Variants in TJP1 observed in about 807,000 individuals in gnomAD.
The protein encoded by TJP1 is tight junction protein 1.
TJP1 carries 43 observed loss-of-function variants against 194.2 expected under a neutral mutation model. The observed-to-expected ratio is 0.22, with a 90% confidence interval of 0.17 to 0.29. The LOEUF is 0.29. Ranked by LOEUF, TJP1 falls within the 10% of genes least tolerant of loss-of-function variation. The pLI, the probability that TJP1 is intolerant of heterozygous loss-of-function variation, is 1.00. For synonymous variants in TJP1, 801 were observed against 779.0 expected, an observed-to-expected ratio of 1.03 and a Z score of -0.47; for missense variants, 1,971 against 2,185.7, an observed-to-expected ratio of 0.90 and a Z score of 1.96.
At chr15:29,781,213 G>C (rs565479434) in intron 2 of TJP1, among the ~76,000 whole-genome samples, 21 of 152,076 alleles carry the variant, frequency 1.4e-4, no homozygotes, top group Non-Finnish European at 2.8e-4. Flanking sequence ...ACACAAACTA[G>C]AAAATCTAGA....
At chr15:29,944,452 T>TG (rs1212617324) in intron 2 of TJP1, among the ~76,000 whole-genome samples, 3 of 152,040 alleles carry the variant, frequency 2.0e-5, no homozygotes, top group African/African-American at 4.8e-5. Context: ...CTTTTGTTGG[T>TG]GGGGGGACGG....
rs1433416856 is a variant in TJP1, at chr15:29,716,754, T to G, written c.4059A>C (p.Glu1353Asp). The G allele has an allele frequency of 3.7e-6, 6 of 1,614,192 alleles. No homozygotes were observed. The highest frequency in any genetic ancestry group is 5.1e-6 in the Non-Finnish European group (6 of 1,180,026). The change falls in exon 23 of 28, where the codon GAA becomes GAC. Residue 1353 changes from glutamate to aspartate, a missense_variant. Physicochemically the swap from Glu to Asp is conservative, Grantham distance 45. Coordinates refer to ENST00000614355, the MANE Select transcript of TJP1 (RefSeq NM_001330239.4). ...SNHYDPEEDE[E>D]YYRKQLSYFD... is the part of the protein sequence containing the mutation. The stretch of plus-strand genomic sequence containing the variant: ...AGTATGACAGCTGTTTTCGATAATA[T>G]TCTTCATCTTCTTCAGGGTCATAAT...
At chr15:29,899,187 G>T (rs186293839) in intron 2 of TJP1, among the ~76,000 whole-genome samples, 2 of 152,252 alleles carry the variant, frequency 1.3e-5, no homozygotes, top group Admixed American at 6.5e-5. Context: ...AAGGAAAGAA[G>T]CCCCCACAAA....
chr15:29,826,203 G>A (rs554694867), upstream of TJP1, among the ~76,000 whole-genome samples: 2 of 150,646 alleles, frequency 1.3e-5, no homozygotes, highest in East Asian at 1.9e-4. Context: ...ATTCAATTCA[G>A]TATACAGAAA....
chr15:29,719,728 C>T, intron 20 of TJP1, 49 bp downstream of exon 20: 5 of 1,579,724 alleles, frequency 3.2e-6, no homozygotes, highest in Non-Finnish European at 4.3e-6. Context: ...TGATCATGTG[C>T]CAGATTGATG....
At chr15:29,962,926 G>A (rs776130237) in intron 1 of TJP1, among the ~76,000 whole-genome samples, 1 of 152,168 alleles carries the variant, frequency 6.6e-6, no homozygotes, top group African/African-American at 2.4e-5. Context: ...ATCACCTGAA[G>A]GTCAGGAGTT....
chr15:29,721,122 C>T (rs1302736022), intron 18 of TJP1, among the ~76,000 whole-genome samples: 1 of 152,170 alleles, frequency 6.6e-6, no homozygotes, highest in African/African-American at 2.4e-5. Flanking sequence ...TGGAAGAATA[C>T]CTATGAAATA....
chr15:29,746,956 A>G (rs562098198), intron 8 of TJP1, among the ~76,000 whole-genome samples: 1 of 151,418 alleles, frequency 6.6e-6, no homozygotes, highest in East Asian at 1.9e-4. Context: ...AACAAGGATG[A>G]GCTACTTTTA....
intron 4 of TJP1, among the ~76,000 whole-genome samples, chr15:29,771,381 G>A (rs566057946): frequency 3.0e-4 from 45 of 151,652 alleles, no homozygotes; most frequent in African/African-American, 9.4e-4. Flanking sequence ...ATCTAAACAC[G>A]GTAAAGGTAA....
chr15:29,882,094 T>C (rs1458069731), intron 2 of TJP1, among the ~76,000 whole-genome samples: 1 of 152,188 alleles, frequency 6.6e-6, no homozygotes, highest in African/African-American at 2.4e-5. Context: ...TGTGTTGCTG[T>C]GCTGGATACT....
intron 2 of TJP1, among the ~76,000 whole-genome samples, chr15:29,901,413 A>G (rs904217529): frequency 2.2e-4 from 34 of 152,220 alleles, no homozygotes; most frequent in Non-Finnish European, 5.9e-5. Flanking sequence ...GCAAAAGTAT[A>G]GCTGCCTGAG....
intron 27 of TJP1, among the ~76,000 whole-genome samples, chr15:29,703,924 T>G (rs775466920): frequency 6.6e-6 from 1 of 152,216 alleles, no homozygotes; most frequent in Non-Finnish European, 1.5e-5. Flanking sequence ...ATTACAGGCA[T>G]GAGCCACGGC....
At chr15:29,952,703 T>C (rs953969122) in intron 2 of TJP1, among the ~76,000 whole-genome samples, 3 of 152,224 alleles carry the variant, frequency 2.0e-5, no homozygotes, top group Non-Finnish European at 4.4e-5. Context: ...TTGATATGTA[T>C]ATATGCCAGG....
intron 2 of TJP1, among the ~76,000 whole-genome samples, chr15:29,779,004 T>C (rs1322907725): frequency 1.3e-5 from 2 of 152,218 alleles, no homozygotes; most frequent in Non-Finnish European, 2.9e-5. Context: ...AACCTGTCTT[T>C]TTCATCGCTT....
chr15:29,801,563 G>A (rs1208578151), intron 1 of TJP1, among the ~76,000 whole-genome samples: 2 of 149,366 alleles, frequency 1.3e-5, no homozygotes, highest in African/African-American at 2.5e-5. Context: ...CCGGGTTCAC[G>A]CCATTCTCCT....
At chr15:29,867,458 C>T (rs1567148314) in intron 2 of TJP1, among the ~76,000 whole-genome samples, 1 of 152,200 alleles carries the variant, frequency 6.6e-6, no homozygotes, top group Non-Finnish European at 1.5e-5. Flanking sequence ...CTGGCTCCAA[C>T]GTGGCCCATG....
In TJP1 at chr15:29,853,119, T is replaced by C. The variant is rs544659112; in HGVS notation, c.307-52417A>G. ...CAACTTGGATGTATCTCTAGGAAAT[T>C]ATGTTGAGTAAAATAAGCCAATCCC... On this transcript the variant is annotated intron_variant, in intron 2 of 28. Coordinates refer to the TJP1 transcript ENST00000356107. Among the ~76,000 whole-genome samples the C allele has an allele frequency of 4.5e-4, 68 of 152,330 alleles. 1 individual carries two copies. Among genetic ancestry groups the C allele is most frequent in the African/African-American group, 1.6e-3 (65 of 41,570 alleles).
chr15:29,928,661 C>T (rs1056706049), intron 2 of TJP1, among the ~76,000 whole-genome samples: 2 of 152,138 alleles, frequency 1.3e-5, no homozygotes, highest in African/African-American at 4.8e-5. Flanking sequence ...ACACACTTGT[C>T]GGCCGGGCAC....
chr15:29,752,035 C>T (rs2045318641), intron 8 of TJP1, among the ~76,000 whole-genome samples: 1 of 152,132 alleles, frequency 6.6e-6, no homozygotes, highest in Non-Finnish European at 1.5e-5. Context: ...AGCAGGCGAT[C>T]CTTCCACCTC....
Sources: allele counts gnomAD v4.1 joint callset (sites outside exome capture counted in the v4.1 genomes callset), GRCh38; gene constraint gnomAD v4.1.1; transcripts MANE v1.5; gene names NCBI Gene and HGNC (gene_info 2026-07-23, HGNC 2026-07-21).